Variants in FABP6 observed in about 807,000 individuals in gnomAD.
FABP6 encodes gastrotropin.
A neutral mutation model predicts 14.9 loss-of-function variants in FABP6; 13 were observed. The observed-to-expected ratio is 0.87, with a 90% CI of 0.57 to 1.39. The LOEUF is 1.39. FABP6 is among the 40% of genes most tolerant of loss of function. The probability of loss-of-function intolerance (pLI) is 0.00; values close to 1 mark genes in which losing one functional copy is unlikely to be tolerated. For synonymous variants in FABP6, 75 were observed against 63.6 expected (o/e 1.18, Z -0.85); for missense variants, 161 against 167.2 (o/e 0.96, Z 0.20).
At chr5:160,198,231 G>A (rs992893224) in intron 1 of FABP6, 4 of 152,074 alleles carry the variant, frequency 2.6e-5, no homozygotes, top group South Asian at 2.1e-4. Flanking sequence ...AGTTACCTGA[G>A]GGAGATGATT....
chr5:160,227,638 A>C (rs1409591587), upstream of FABP6, among the ~76,000 whole-genome samples: 1 of 151,664 alleles, frequency 6.6e-6, no homozygotes, highest in Non-Finnish European at 1.5e-5. Context: ...GTGAGCTGAG[A>C]TCACACACGG....
chr5:160,192,096 G>C (rs527840241), intron 1 of FABP6, among the ~76,000 whole-genome samples: 1 of 151,760 alleles, frequency 6.6e-6, no homozygotes, highest in African/African-American at 2.4e-5. Context: ...TCCCTCACCT[G>C]ACCCCTTGAA....
chr5:160,213,755 C>G, exon 3 of FABP6: 1 of 1,613,856 alleles, frequency 6.2e-7, no homozygotes, highest in Non-Finnish European at 8.5e-7. Context: ...GCTGTGTTGT[C>G]TGCGTGCACA....
At chr5:160,205,082 A>G (rs1211764205) in intron 2 of FABP6, among the ~76,000 whole-genome samples, 1 of 152,162 alleles carries the variant, frequency 6.6e-6, no homozygotes, top group African/African-American at 2.4e-5. Context: ...TATAAAAAAT[A>G]TATGTGGTAG....
chr5:160,204,568 C>A (rs991070304), intron 2 of FABP6, among the ~76,000 whole-genome samples: 1 of 152,064 alleles, frequency 6.6e-6, no homozygotes, highest in African/African-American at 2.4e-5. Context: ...TGGCTCACTG[C>A]AACCTCTGCA....
At chr5:160,231,325 G>T (rs1402328771) in intron 1 of FABP6, among the ~76,000 whole-genome samples, 1 of 152,214 alleles carries the variant, frequency 6.6e-6, no homozygotes, top group African/African-American at 2.4e-5. Context: ...GAAATACTGG[G>T]AAGTCCCTTT....
upstream of FABP6, chr5:160,228,755 G>A: frequency 3.1e-6 from 1 of 318,712 alleles, no homozygotes; most frequent in East Asian, 7.6e-5. Flanking sequence ...ACCCTTAGGA[G>A]CATCTGTTCT....
chr5:160,209,094 A>G (rs1171499134), intron 2 of FABP6, among the ~76,000 whole-genome samples: 1 of 151,988 alleles, frequency 6.6e-6, no homozygotes, highest in African/African-American at 2.4e-5. Flanking sequence ...CCATTTCTAA[A>G]AAAAAAAGAA....
At chr5:160,237,239 T>G (rs1002819716) in intron 3 of FABP6, among the ~76,000 whole-genome samples, 1 of 152,032 alleles carries the variant, frequency 6.6e-6, no homozygotes. Context: ...GACAAGAGAA[T>G]TGATCTTCCC....
chr5:160,201,313 G>A lies in FABP6; in HGVS notation c.51+2156G>A, dbSNP rs1379402892. Among the ~76,000 whole-genome samples, 9 of 151,280 alleles carry A rather than the reference G, an allele frequency of 5.9e-5. No homozygotes were observed. In the East Asian group the frequency reaches 7.9e-4, roughly 13 times the overall value. ...GTCGAGGCTGCAGTGAGTCAAGATC[G>A]CGACACTGCACTCCAGCCTGGGCAA... On this transcript the variant is annotated intron_variant, in intron 2 of 6. Coordinates refer to the FABP6 transcript ENST00000393980.
intron 3 of FABP6, among the ~76,000 whole-genome samples, chr5:160,222,994 AGAGATGG>A (rs1248201117): frequency 6.6e-6 from 1 of 151,890 alleles, no homozygotes; most frequent in Non-Finnish European, 1.5e-5. Flanking sequence ...TAGGTTTTTT[AGAGATGG>A]GATCTGGCTC....
chr5:160,214,610 G>A (rs971455639), intron 3 of FABP6, among the ~76,000 whole-genome samples: 12 of 151,844 alleles, frequency 7.9e-5, no homozygotes, highest in African/African-American at 2.9e-4. Context: ...CTGGCCTCAA[G>A]TGGATTTCTT....
rs1759963006 is a variant in FABP6 at position 160,214,152 on chromosome 5, T to TTTTTCTTTCA, written c.135+335_135+336insTTCTTTCATT. 7.0e-5 allele frequency among the ~76,000 whole-genome samples: 9 copies of TTTTTCTTTCA among 129,010 alleles called. 1 individual carries two copies. The highest frequency in any genetic ancestry group is 2.7e-4 in the African/African-American group (9 of 33,718). The allele number at this position is 129,010 out of a possible 152,430, so 84.6% of individuals were successfully genotyped here. A position where few individuals can be genotyped will look rare whatever the true frequency, so the allele number is the denominator to read the frequency against. ...CTTTCTTTCTTTCTTTCTTTCTTTC[T>TTTTTCTTTCA]TTCTTTCCTTCTTCTCTCTTATAAT... On this transcript the variant is annotated intron_variant, in intron 3 of 6. Coordinates refer to the FABP6 transcript ENST00000393980.
At chr5:160,191,950 G>A (rs1416946538) in intron 1 of FABP6, among the ~76,000 whole-genome samples, 2 of 151,570 alleles carry the variant, frequency 1.3e-5, no homozygotes, top group East Asian at 3.9e-4. Flanking sequence ...CTCCAGCCTG[G>A]GTGACAGAGC....
At chr5:160,210,114 C>T (rs1489129369) in intron 2 of FABP6, among the ~76,000 whole-genome samples, 1 of 152,100 alleles carries the variant, frequency 6.6e-6, no homozygotes, top group East Asian at 1.9e-4. Context: ...GGGCTCTGAC[C>T]TCAAGAAACA....
At chr5:160,202,153 C>G (rs1312157149) in intron 2 of FABP6, among the ~76,000 whole-genome samples, 1 of 152,000 alleles carries the variant, frequency 6.6e-6, no homozygotes, top group Non-Finnish European at 1.5e-5. Flanking sequence ...ACTTTCTGCT[C>G]TCTACAGGGG....
chr5:160,227,525 C>CAAAAAA (rs10645896), upstream of FABP6, among the ~76,000 whole-genome samples: 38 of 99,496 alleles, frequency 3.8e-4, 3 homozygotes, highest in Middle Eastern at 5.7e-3. Flanking sequence ...GACTTCACTT[C>CAAAAAA]AAAAAAAAAA....
chr5:160,211,714 A>G (rs1759894469), intron 2 of FABP6, among the ~76,000 whole-genome samples: 1 of 152,000 alleles, frequency 6.6e-6, no homozygotes, highest in South Asian at 2.1e-4. Context: ...CATCCTTTCT[A>G]TGAGTTACTC....
chr5:160,192,480 C>T (rs144092749), intron 1 of FABP6, among the ~76,000 whole-genome samples: 13 of 152,378 alleles, frequency 8.5e-5, no homozygotes, highest in East Asian at 1.9e-4. Flanking sequence ...CCCCAGGCTT[C>T]GCCCACATCT....
Sources: gnomAD v4.1 joint callset for allele counts (sites outside exome capture counted in the v4.1 genomes callset) on GRCh38, gnomAD v4.1.1 for gene constraint, MANE v1.5 for transcripts, NCBI Gene and HGNC (gene_info 2026-07-23, HGNC 2026-07-21) for gene names.